Variants in RBM6 observed in about 807,000 individuals in gnomAD.
RBM6 encodes RNA-binding protein 6.
A neutral mutation model predicts 140.4 loss-of-function variants in RBM6; 23 were observed. The observed-to-expected ratio is 0.16, with a 90% CI of 0.12 to 0.23. RBM6 has a LOEUF of 0.23. Among genes scored for constraint, RBM6 ranks in the 10% least tolerant of loss-of-function variants. RBM6 has a pLI of 1.00. For missense variants in RBM6, 1,139 were observed against 1,386.7 expected, an observed-to-expected ratio of 0.82 and a Z score of 2.84; for synonymous variants, 439 against 475.6, an observed-to-expected ratio of 0.92 and a Z score of 1.00.
chr3:50,033,144 A>G (rs2088282747), intron 6 of RBM6, among the ~76,000 whole-genome samples: 1 of 151,160 alleles, frequency 6.6e-6, no homozygotes, highest in Non-Finnish European at 1.5e-5. Context: ...TAAAAATACA[A>G]AAATTAGCTG....
At chr3:50,044,154 A>G (rs2089096106) in intron 6 of RBM6, among the ~76,000 whole-genome samples, 1 of 152,072 alleles carries the variant, frequency 6.6e-6, no homozygotes, top group African/African-American at 2.4e-5. Context: ...CTAGGATTAC[A>G]GGCGTGAGCC....
intron 1 of RBM6, among the ~76,000 whole-genome samples, chr3:49,955,860 C>CTCTGTGTG (rs1553637396): frequency 2.7e-5 from 4 of 145,476 alleles, no homozygotes; most frequent in Non-Finnish European, 3.0e-5. Context: ...CTCTCTCTCT[C>CTCTGTGTG]TGTGTGTGTG....
Position 50,062,025 on chromosome 3 carries a change from C to A in RBM6, c.2503C>A (p.Pro835Thr). 1.9e-6 allele frequency: 3 copies of A among 1,613,644 alleles called. No individual in the cohort carries two copies. Among genetic ancestry groups the A allele is most frequent in the Non-Finnish European group, 2.5e-6 (3 of 1,179,826 alleles). ...GGAAGAAGAGATCAAGGAAAAAAAA[C>A]CCACCAGTCAAGGAAAGTCAAGTAG... The part of the protein sequence containing the change: ...PEEEEIKEKK[P>T]TSQGKSSSKK... Residue 835 changes from proline (P) to threonine (T), a missense_variant, in exon 15 of 21, where the codon CCC (proline) becomes ACC (threonine). Physicochemically the swap from Pro to Thr is conservative, Grantham distance 38. Coordinates refer to ENST00000266022, the MANE Select transcript of RBM6 (RefSeq NM_005777.3).
At chr3:50,020,693 G>A (rs2087431326) in intron 6 of RBM6, among the ~76,000 whole-genome samples, 1 of 152,090 alleles carries the variant, frequency 6.6e-6, no homozygotes, top group South Asian at 2.1e-4. Context: ...AAACCTAAAT[G>A]GTATAGCCTG....
At chr3:49,949,518 G>A (rs866900802) in intron 1 of RBM6, among the ~76,000 whole-genome samples, 5 of 151,864 alleles carry the variant, frequency 3.3e-5, no homozygotes, top group Non-Finnish European at 5.9e-5. Flanking sequence ...TCAGCCTCCC[G>A]AGTAGCTGGG....
intron 7 of RBM6, 26 bp downstream of exon 7, chr3:50,048,345 A>G: frequency 1.2e-6 from 2 of 1,603,828 alleles, no homozygotes; most frequent in South Asian, 2.2e-5. Context: ...CCCTTTCTTT[A>G]GAAGTAAGTA....
At chr3:50,047,669 G>C (rs2089286014) in intron 6 of RBM6, among the ~76,000 whole-genome samples, 1 of 152,188 alleles carries the variant, frequency 6.6e-6, no homozygotes, top group Admixed American at 6.5e-5. Context: ...CCTGCTGTAA[G>C]GATGTAACTT....
intron 3 of RBM6, among the ~76,000 whole-genome samples, chr3:49,970,086 G>A (rs533542557): frequency 2.0e-4 from 30 of 152,150 alleles, no homozygotes; most frequent in African/African-American, 7.2e-4. Context: ...GACTGTAGTT[G>A]TGCACCACCA....
chr3:50,042,485 C>T (rs2088979629), intron 6 of RBM6, among the ~76,000 whole-genome samples: 1 of 152,148 alleles, frequency 6.6e-6, no homozygotes. Flanking sequence ...GTAATCTCAA[C>T]ACTTTGGGAA....
chr3:50,034,090 CTTTTTTTTT>C (rs68118556), intron 6 of RBM6, among the ~76,000 whole-genome samples: 1 of 116,216 alleles, frequency 8.6e-6, no homozygotes, highest in Non-Finnish European at 1.7e-5. Context: ...TCTATACTTC[CTTTTTTTTT>C]TTTTTTTTTC....
At chr3:49,969,706 TC>T (rs2084695868) in intron 3 of RBM6, among the ~76,000 whole-genome samples, 1 of 151,120 alleles carries the variant, frequency 6.6e-6, no homozygotes, top group Admixed American at 6.6e-5. Flanking sequence ...CAAGCGATCC[TC>T]CCACCTCAGC....
intron 6 of RBM6, among the ~76,000 whole-genome samples, chr3:50,028,627 C>T (rs1226868450): frequency 2.0e-5 from 3 of 152,022 alleles, no homozygotes; most frequent in Non-Finnish European, 4.4e-5. Context: ...ACTAGCTAAA[C>T]CAGAAAAAAT....
chr3:50,066,466 T>C lies in RBM6; in HGVS notation c.2907T>C (p.Val969=), dbSNP rs763673394. 30 of 1,613,624 alleles carry C rather than the reference T, an allele frequency of 1.9e-5. No homozygotes were observed. Among genetic ancestry groups the C allele is most frequent in the Non-Finnish European group, 2.5e-5 (29 of 1,180,032 alleles). The stretch of plus-strand genomic sequence containing the variant: ...GAAGGCAGTTTCCCAATAAAGAAGT[T>C]CTGATCAAACACCAGCAGCTGTCAG... The part of the protein sequence containing the change: ...LCRRQFPNKE[V]LIKHQQLSDL... The change falls in exon 17 of 21, where the codon GTT becomes GTC. Residue 969 remains valine, a synonymous_variant. Transcript: ENST00000266022.
At chr3:49,983,458 G>GA (rs143088072) in intron 5 of RBM6, among the ~76,000 whole-genome samples, 23,790 of 147,704 alleles carry the variant, frequency 0.16, 2,470 homozygotes, top group Non-Finnish European at 0.24. Context: ...TCAAAAAAAG[G>GA]AAAAAAAAAA....
chr3:49,968,992 A>G (rs1168920713), intron 3 of RBM6, among the ~76,000 whole-genome samples: 1 of 146,386 alleles, frequency 6.8e-6, no homozygotes, highest in Non-Finnish European at 1.5e-5. Flanking sequence ...TTCTTTAAAT[A>G]AGACTTTTGT....
At chr3:50,037,423 A>G (rs1225683484) in intron 6 of RBM6, among the ~76,000 whole-genome samples, 1 of 152,126 alleles carries the variant, frequency 6.6e-6, no homozygotes, top group Non-Finnish European at 1.5e-5. Context: ...GCAGGGGGGC[A>G]TAGTCACCTC....
intron 8 of RBM6, among the ~76,000 whole-genome samples, chr3:50,055,477 A>G (rs1216655990): frequency 6.6e-6 from 1 of 152,188 alleles, no homozygotes; most frequent in Non-Finnish European, 1.5e-5. Flanking sequence ...AAATGATTTC[A>G]GATCTTATTT....
chr3:50,027,029 A>G (rs926194099), intron 6 of RBM6, among the ~76,000 whole-genome samples: 2 of 152,144 alleles, frequency 1.3e-5, no homozygotes, highest in Non-Finnish European at 2.9e-5. Context: ...CTGTTGAGAA[A>G]ATTGATGTAC....
At chr3:50,028,214 C>T (rs760083245) in intron 6 of RBM6, among the ~76,000 whole-genome samples, 20 of 152,160 alleles carry the variant, frequency 1.3e-4, no homozygotes, top group Non-Finnish European at 2.6e-4. Flanking sequence ...ACAGATTCTC[C>T]TGTTCAGAGT....
Sources: allele counts gnomAD v4.1 joint callset (sites outside exome capture counted in the v4.1 genomes callset), GRCh38; gene constraint gnomAD v4.1.1; transcripts MANE v1.5; gene names NCBI Gene and HGNC (gene_info 2026-07-23, HGNC 2026-07-21).